Variants in RALYL observed in about 807,000 individuals in gnomAD.
RALYL encodes the protein RALY RNA binding protein like.
In RALYL, 29 loss-of-function variants were observed where a neutral mutation model predicts 35.1. The ratio of observed to expected loss-of-function variants is 0.83; its 90% confidence interval spans 0.61 to 1.13. The LOEUF (loss-of-function observed/expected upper bound fraction) is 1.13. Among genes scored for constraint, RALYL ranks in the 50% most tolerant of loss-of-function variants. The pLI, the probability that RALYL is intolerant of heterozygous loss-of-function variation, is 0.00. For synonymous variants in RALYL, 120 were observed against 127.6 expected, an observed-to-expected ratio of 0.94 and a Z score of 0.40; for missense variants, 359 against 360.4, an observed-to-expected ratio of 1.00 and a Z score of 0.03.
At chr8:84,841,697 A>C (rs1833409942) in intron 4 of RALYL, among the ~76,000 whole-genome samples, 1 of 152,218 alleles carries the variant, frequency 6.6e-6, no homozygotes, top group African/African-American at 2.4e-5. Context: ...CCTTATTCCA[A>C]AATTCACCAC....
At chr8:84,841,140 G>T (rs1256661966) in intron 4 of RALYL, among the ~76,000 whole-genome samples, 1 of 151,760 alleles carries the variant, frequency 6.6e-6, no homozygotes, top group Non-Finnish European at 1.5e-5. Flanking sequence ...ATGTAAATGG[G>T]CTAAATGCTC....
chr8:84,642,141 G>A (rs1359794320), intron 2 of RALYL, among the ~76,000 whole-genome samples: 1 of 151,870 alleles, frequency 6.6e-6, no homozygotes, highest in Non-Finnish European at 1.5e-5. Context: ...ATGTATACAT[G>A]TGTGCACAAA....
At chr8:84,551,607 A>G (rs1454367306) in intron 2 of RALYL, among the ~76,000 whole-genome samples, 1 of 152,160 alleles carries the variant, frequency 6.6e-6, no homozygotes, top group Non-Finnish European at 1.5e-5. Context: ...GATTTAAAAA[A>G]AATGAGGAAA....
chr8:84,705,088 G>C (rs530287329), intron 2 of RALYL, among the ~76,000 whole-genome samples: 1 of 152,278 alleles, frequency 6.6e-6, no homozygotes, highest in South Asian at 2.1e-4. Context: ...AGGTGTCTTT[G>C]AAACCATGTT....
chr8:84,517,607 C>T (rs1424156708), intron 1 of RALYL, among the ~76,000 whole-genome samples: 2 of 152,112 alleles, frequency 1.3e-5, no homozygotes, highest in Non-Finnish European at 2.9e-5. Context: ...AATCAAAGTC[C>T]AAATTCAGCT....
At chr8:84,673,118 A>G (rs1833576701) in intron 2 of RALYL, among the ~76,000 whole-genome samples, 1 of 152,066 alleles carries the variant, frequency 6.6e-6, no homozygotes, top group Admixed American at 6.6e-5. Context: ...GCATTTAATG[A>G]TCAGTGATGT....
intron 1 of RALYL, among the ~76,000 whole-genome samples, chr8:84,481,970 C>G (rs1349276259): frequency 6.6e-6 from 1 of 151,806 alleles, no homozygotes; most frequent in Non-Finnish European, 1.5e-5. Context: ...TAAATGATAC[C>G]TCATTTGTAA....
chr8:84,623,691 CAT>C (rs1288706935), intron 2 of RALYL, among the ~76,000 whole-genome samples: 1 of 151,972 alleles, frequency 6.6e-6, no homozygotes, highest in Non-Finnish European at 1.5e-5. Flanking sequence ...GCAGGAAAAT[CAT>C]GTGGGAGTTG....
At chr8:84,400,000 A>C (rs7833841) in intron 1 of RALYL, among the ~76,000 whole-genome samples, 25,765 of 152,072 alleles carry the variant, frequency 0.17, 3,088 homozygotes, top group African/African-American at 0.35. Flanking sequence ...GCCTGTAACC[A>C]CAGCTACTTA....
chr8:84,599,220 A>G (rs575866174), intron 2 of RALYL, among the ~76,000 whole-genome samples: 1 of 152,102 alleles, frequency 6.6e-6, no homozygotes, highest in Admixed American at 6.6e-5. Flanking sequence ...ACTGACCACT[A>G]AAAATTTCAT....
chr8:84,692,537 A>G (rs1413599764), intron 2 of RALYL, among the ~76,000 whole-genome samples: 2 of 152,034 alleles, frequency 1.3e-5, no homozygotes, highest in Non-Finnish European at 2.9e-5. Context: ...AGACCTAAAT[A>G]TCATTTCTCA....
intron 2 of RALYL, among the ~76,000 whole-genome samples, chr8:84,553,954 T>G (rs1379344716): frequency 6.6e-6 from 1 of 152,194 alleles, no homozygotes; most frequent in African/African-American, 2.4e-5. Flanking sequence ...CATAACTATT[T>G]TCAAATACTT....
rs1827419161 is a variant in RALYL, at chr8:84,816,830, G to A, written c.365+12028G>A. Among the ~76,000 whole-genome samples the A allele has an allele frequency of 2.0e-5, 3 of 152,198 alleles. No individual in the cohort carries two copies. The South Asian group carries it at 6.2e-4, about 32-fold the overall frequency. On this transcript the variant is annotated intron_variant, in intron 4 of 8. Transcript: ENST00000521268. ...GAATGGATACCGCATTCTCCCTGAT[G>A]TGATTATTACACATTGCGTACCTGT...
chr8:84,786,056 C>T (rs1819376431), intron 3 of RALYL, among the ~76,000 whole-genome samples: 1 of 152,188 alleles, frequency 6.6e-6, no homozygotes, highest in Admixed American at 6.5e-5. Context: ...GTTCAGCTCC[C>T]ACTTGTAAGT....
intron 1 of RALYL, among the ~76,000 whole-genome samples, chr8:84,236,468 C>T (rs997014217): frequency 1.3e-5 from 2 of 152,104 alleles, no homozygotes; most frequent in Non-Finnish European, 2.9e-5. Context: ...TTCAGTGGTG[C>T]TTGCTTGAGT....
chr8:84,528,852 A>G (rs147789432), intron 1 of RALYL, among the ~76,000 whole-genome samples: 2 of 152,220 alleles, frequency 1.3e-5, no homozygotes, highest in Admixed American at 6.5e-5. Flanking sequence ...ATGTCTACCT[A>G]TTACAGAAAT....
chr8:84,779,701 A>G (rs1399362098), intron 3 of RALYL, among the ~76,000 whole-genome samples: 1 of 152,250 alleles, frequency 6.6e-6, no homozygotes, highest in Non-Finnish European at 1.5e-5. Flanking sequence ...AATGTGGGTT[A>G]TATTACAGTA....
chr8:84,490,711 A>G (rs1008420781), intron 1 of RALYL, among the ~76,000 whole-genome samples: 11 of 150,394 alleles, frequency 7.3e-5, no homozygotes, highest in Admixed American at 2.7e-4. Flanking sequence ...ATAAATATAT[A>G]TATTTTTATT....
intron 5 of RALYL, among the ~76,000 whole-genome samples, chr8:84,854,332 G>A (rs1401188921): frequency 2.0e-5 from 3 of 150,800 alleles, no homozygotes; most frequent in Non-Finnish European, 2.9e-5. Flanking sequence ...GGGACAGAGC[G>A]AAACTCCGTC....
Sources: allele counts gnomAD v4.1 joint callset (sites outside exome capture counted in the v4.1 genomes callset), GRCh38; gene constraint gnomAD v4.1.1; transcripts MANE v1.5; gene names NCBI Gene and HGNC (gene_info 2026-07-23, HGNC 2026-07-21).